The following AFMID variants were observed in gnomAD, a reference collection of about 807,000 sequenced individuals.
AFMID encodes kynurenine formamidase.
A neutral mutation model predicts 47.5 loss-of-function variants in AFMID; 39 were observed. The ratio of observed to expected loss-of-function variants is 0.82; its 90% CI spans 0.64 to 1.07. The LOEUF (loss-of-function observed/expected upper bound fraction) is 1.07. Ranked by LOEUF, AFMID falls within the 50% of genes least tolerant of loss-of-function variation. The probability of loss-of-function intolerance (pLI) is 0.00; values close to 1 mark genes in which losing one functional copy is unlikely to be tolerated. For synonymous variants in AFMID, 130 were observed against 153.2 expected, an observed-to-expected ratio of 0.85 and a Z score of 1.12; for missense variants, 375 against 387.5, an observed-to-expected ratio of 0.97 and a Z score of 0.27.
chr17:78,202,824 TG>T (rs1411316624), intron 4 of AFMID, 73 bp downstream of exon 4: 1 of 1,519,136 alleles, frequency 6.6e-7, no homozygotes, highest in Non-Finnish European at 8.9e-7. Flanking sequence ...CCTCCAGGGC[TG>T]CCGCAACCAA....
Position 78,205,118 on chromosome 17 carries a change from G to A in AFMID, c.493G>A (p.Ala165Thr). ...NKGIYLCGHS[A>T]GAHLAAMMLL... is the part of the protein sequence containing the mutation. ...GGGAATTTACCTGTGTGGACACTCA[G>A]CCGGGGCCCACCTGGCTGCCATGAT... is the stretch of plus-strand genomic sequence containing the variant. The change falls in exon 7 of 11, where the codon GCC (alanine) becomes ACC (threonine). Residue 165 changes from alanine to threonine, a missense_variant. Transcript: ENST00000409257. The A allele has an allele frequency of 1.2e-6, 2 of 1,612,388 alleles. No individual in the cohort carries two copies. Among genetic ancestry groups the A allele is most frequent in the Non-Finnish European group, 1.7e-6 (2 of 1,179,338 alleles).
intron 4 of AFMID, chr17:78,203,686 G>C (rs2076305808): frequency 6.6e-6 from 1 of 152,044 alleles, no homozygotes; most frequent in Admixed American, 6.6e-5. Flanking sequence ...CTGTTCCCTA[G>C]GGTCTTCCTA....
chr17:78,196,111 CCCAGCA>C (rs1267148482), intron 2 of AFMID, among the ~76,000 whole-genome samples: 1 of 152,198 alleles, frequency 6.6e-6, no homozygotes, highest in Non-Finnish European at 1.5e-5. Context: ...TCCCTGTAAT[CCCAGCA>C]CTTTGGGAGG....
chr17:78,196,039 C>T (rs1048350087), intron 2 of AFMID, among the ~76,000 whole-genome samples: 12 of 152,042 alleles, frequency 7.9e-5, no homozygotes, highest in African/African-American at 2.4e-4. Flanking sequence ...GGGGTTTCAC[C>T]GTGTTAGCCA....
intron 2 of AFMID, among the ~76,000 whole-genome samples, chr17:78,201,333 G>A (rs903552148): frequency 6.7e-6 from 1 of 149,780 alleles, no homozygotes; most frequent in African/African-American, 2.5e-5. Flanking sequence ...AAAAAATAAA[G>A]CAAGAGGCCA....
At chr17:78,193,434 TTGAG>T (rs1269535527) in intron 2 of AFMID, among the ~76,000 whole-genome samples, 2 of 150,074 alleles carry the variant, frequency 1.3e-5, no homozygotes, top group African/African-American at 4.9e-5. Flanking sequence ...CTTAATTGTC[TTGAG>T]TGATAAAAAG....
chr17:78,203,001 C>T, intron 4 of AFMID: 1 of 522,358 alleles, frequency 1.9e-6, no homozygotes, highest in Non-Finnish European at 3.4e-6. Flanking sequence ...GCTCCAGCCT[C>T]TGCCTCCATT....
chr17:78,201,610 A>G (rs1398618924), intron 2 of AFMID, among the ~76,000 whole-genome samples: 1 of 152,214 alleles, frequency 6.6e-6, no homozygotes, highest in Non-Finnish European at 1.5e-5. Context: ...AGCCTGGGCA[A>G]TATAGTGAGA....
At chr17:78,205,024 C>A in intron 6 of AFMID, 69 bp from the exon 7 acceptor site, 1 of 1,562,998 alleles carries the variant, frequency 6.4e-7, no homozygotes, top group South Asian at 1.1e-5. Flanking sequence ...AATTGGGACT[C>A]TTCGAAGGGG....
intron 2 of AFMID, among the ~76,000 whole-genome samples, chr17:78,195,147 G>A (rs2076077978): frequency 6.6e-6 from 1 of 152,012 alleles, no homozygotes; most frequent in Admixed American, 6.6e-5. Flanking sequence ...AGGGGCAAGG[G>A]GAGGGAGGAA....
chr17:78,201,867 A>G (rs2076251625), intron 2 of AFMID, among the ~76,000 whole-genome samples: 1 of 151,540 alleles, frequency 6.6e-6, no homozygotes, highest in South Asian at 2.1e-4. Context: ...AGTAGCTGGG[A>G]CTACAGGCAC....
At chr17:78,191,562 A>G (rs2075969338) in intron 2 of AFMID, among the ~76,000 whole-genome samples, 1 of 151,874 alleles carries the variant, frequency 6.6e-6, no homozygotes, top group Non-Finnish European at 1.5e-5. Context: ...AATTCCAGCT[A>G]CTCGGGAACC....
At chr17:78,202,654 A>G (rs111978523) in intron 3 of AFMID, 49 bp from the exon 4 acceptor site, 178,769 of 1,578,524 alleles carry the variant, frequency 0.11, 10,900 homozygotes, top group East Asian at 0.24. Context: ...CCAGTGGCAG[A>G]GCTCAGCAGG....
intron 1 of AFMID, chr17:78,190,722 G>C (rs1303435185): frequency 1.8e-5 from 8 of 445,124 alleles, no homozygotes; most frequent in Non-Finnish European, 2.4e-5. Flanking sequence ...CTGTGGGAGT[G>C]GTGCCCATGA....
At chr17:78,190,118 C>A (rs1028684060) in intron 1 of AFMID, among the ~76,000 whole-genome samples, 1 of 151,364 alleles carries the variant, frequency 6.6e-6, no homozygotes, top group African/African-American at 2.4e-5. Flanking sequence ...TGAGCCACCG[C>A]GCCCAGCCTC....
At chr17:78,196,119 T>TTGGCC (rs1431757889) in intron 2 of AFMID, among the ~76,000 whole-genome samples, 1 of 152,234 alleles carries the variant, frequency 6.6e-6, no homozygotes, top group Non-Finnish European at 1.5e-5. Context: ...ATCCCAGCAC[T>TTGGCC]TTGGGAGGCC....
In AFMID at chr17:78,205,748, G is replaced by A; in HGVS notation, c.780+10G>A. 1.2e-6 allele frequency: 2 copies of A among 1,607,822 alleles called. No homozygotes were observed. Among genetic ancestry groups the A allele is most frequent in the South Asian group, 1.1e-5 (1 of 91,086 alleles). ...CTGGGAGTTTTACCAGGTACTCCCA[G>A]TGCAGGTTTGTGGCCAGAGGTCGAG... is the stretch of plus-strand genomic sequence containing the variant. On this transcript the variant is annotated intron_variant, in intron 9 of 10. Transcript: ENST00000409257.
chr17:78,202,302 A>G (rs111868558), intron 2 of AFMID, among the ~76,000 whole-genome samples, 197 bp from the exon 3 acceptor site: 23,702 of 151,580 alleles, frequency 0.16, 2,042 homozygotes, highest in East Asian at 0.4. Flanking sequence ...AGTGGCGTGC[A>G]CCTGTAGTCC....
chr17:78,202,739 G>C lies in AFMID; in HGVS notation c.296G>C (p.Trp99Ser). 1 of 1,558,478 alleles carries C rather than the reference G, an allele frequency of 6.4e-7. No homozygotes were observed. The highest frequency in any genetic ancestry group is 8.7e-7 in the Non-Finnish European group (1 of 1,150,648). The change falls in exon 4 of 11, where the codon TGG (tryptophan) becomes TCG (serine). Residue 99 changes from tryptophan to serine, a missense_variant. Physicochemically the swap from Trp to Ser is radical, Grantham distance 177. Transcript: ENST00000409257. ...TTCCTGTTCTTTCACGGAGGATACT[G>C]GCAGAGCGGAAGGTGAGTCGGGGGA... Reference protein sequence around the residue: ...PFFLFFHGGYWQSGSKDESAF... With the variant: ...PFFLFFHGGYSQSGSKDESAF...
Sources: gnomAD v4.1 joint callset for allele counts (sites outside exome capture counted in the v4.1 genomes callset) on GRCh38, gnomAD v4.1.1 for gene constraint, MANE v1.5 for transcripts, NCBI Gene and HGNC (gene_info 2026-07-23, HGNC 2026-07-21) for gene names.